Variants in PLXNA4 observed in about 807,000 individuals in gnomAD.
PLXNA4 encodes plexin A4.
A neutral mutation model predicts 191.8 loss-of-function variants in PLXNA4; 44 were observed. That is an observed-to-expected ratio of 0.23 (90% CI 0.18 to 0.29). The LOEUF is 0.29. Among genes scored for constraint, PLXNA4 ranks in the 10% least tolerant of loss-of-function variants. The pLI is 1.00. For missense variants in PLXNA4, 1,800 were observed against 2,488.8 expected, an observed-to-expected ratio of 0.72 and a Z score of 5.89; for synonymous variants, 1,082 against 1,009.5, an observed-to-expected ratio of 1.07 and a Z score of -1.36.
At chr7:132,238,166 G>A (rs1424224877) in intron 5 of PLXNA4, among the ~76,000 whole-genome samples, 1 of 152,144 alleles carries the variant, frequency 6.6e-6, no homozygotes, top group Non-Finnish European at 1.5e-5. Context: ...GTGTTATAGT[G>A]CTGTTGGCAG....
At chr7:132,397,049 C>T (rs1207903802) in intron 3 of PLXNA4, among the ~76,000 whole-genome samples, 3 of 152,234 alleles carry the variant, frequency 2.0e-5, no homozygotes, top group African/African-American at 4.8e-5. Flanking sequence ...CTGGGGACAT[C>T]ACACCACCCG....
chr7:132,493,513 G>C (rs1797884306), intron 2 of PLXNA4, among the ~76,000 whole-genome samples: 1 of 152,128 alleles, frequency 6.6e-6, no homozygotes, highest in Non-Finnish European at 1.5e-5. Flanking sequence ...GAGGACTCTG[G>C]ATCTTTTTTC....
In PLXNA4 at chr7:132,202,728, C is replaced by A; in HGVS notation, c.2504G>T (p.Arg835Leu). Residue 835 changes from arginine to leucine, a missense_variant, in exon 12 of 32, where the codon CGC becomes CTC. Arg to Leu is a moderately radical substitution (Grantham distance 102, BLOSUM62 -2). Around this residue, in one of 6 missense-constraint regions of PLXNA4, gnomAD observed 1,397 missense variants for 1,880.4 expected, o/e 0.74. Transcript: ENST00000321063. ...WCQGPGQCTL[R>L]QHCPAQESQW... ...GCTCTCCTGGGCAGGGCAGTGCTGGCGCAGGGTGCACTGGCCTGGGCCCTG... is the reference window on the plus strand; with the variant it reads ...GCTCTCCTGGGCAGGGCAGTGCTGGAGCAGGGTGCACTGGCCTGGGCCCTG... 6.2e-7 allele frequency: 1 copy of A among 1,609,540 alleles called. No homozygotes were observed. The highest frequency in any genetic ancestry group is 8.5e-7 in the Non-Finnish European group (1 of 1,177,656).
intron 3 of PLXNA4, among the ~76,000 whole-genome samples, chr7:132,393,983 TC>T (rs925792297): frequency 4.1e-5 from 6 of 147,430 alleles, no homozygotes; most frequent in African/African-American, 1.5e-4. Context: ...CACCCCACCC[TC>T]TTTTTTTTTT....
chr7:132,358,112 A>G (rs1344632989), intron 3 of PLXNA4, among the ~76,000 whole-genome samples: 1 of 152,248 alleles, frequency 6.6e-6, no homozygotes, highest in Non-Finnish European at 1.5e-5. Context: ...TTAGAATCCA[A>G]AATGAAGTCT....
intron 10 of PLXNA4, among the ~76,000 whole-genome samples, chr7:132,206,437 GGT>G (rs61032250): frequency 0.21 from 30,418 of 148,228 alleles, 3,357 homozygotes; most frequent in Middle Eastern, 0.37. Context: ...TATGTTTTCT[GGT>G]GTGTGTGTGT....
chr7:132,360,488 T>C (rs1385938052), intron 3 of PLXNA4, among the ~76,000 whole-genome samples: 1 of 152,176 alleles, frequency 6.6e-6, no homozygotes, highest in Non-Finnish European at 1.5e-5. Flanking sequence ...GATCAGATAC[T>C]CAGTTTCTCT....
At chr7:132,417,172 A>G (rs1386222663) in intron 3 of PLXNA4, among the ~76,000 whole-genome samples, 3 of 152,110 alleles carry the variant, frequency 2.0e-5, no homozygotes, top group Admixed American at 2.0e-4. Flanking sequence ...CGTGAGGCCA[A>G]TCCATCCTCT....
At chr7:132,631,313 T>C (rs1803485907) in intron 2 of PLXNA4, among the ~76,000 whole-genome samples, 1 of 152,214 alleles carries the variant, frequency 6.6e-6, no homozygotes, top group African/African-American at 2.4e-5. Flanking sequence ...ACATACAGTT[T>C]AAGAGGCACA....
At chr7:132,333,502 C>T (rs1477523382) in intron 3 of PLXNA4, among the ~76,000 whole-genome samples, 1 of 152,146 alleles carries the variant, frequency 6.6e-6, no homozygotes, top group East Asian at 1.9e-4. Context: ...GGCACCTGGG[C>T]CTCCTCCCCT....
intron 15 of PLXNA4, among the ~76,000 whole-genome samples, chr7:132,186,018 A>G (rs964416285): frequency 3.3e-5 from 5 of 152,178 alleles, no homozygotes; most frequent in Admixed American, 1.3e-4. Flanking sequence ...AGAATAAATA[A>G]TTGTTTCTTT....
At chr7:132,388,544 A>C (rs531655529) in intron 3 of PLXNA4, among the ~76,000 whole-genome samples, 1 of 152,304 alleles carries the variant, frequency 6.6e-6, no homozygotes, top group East Asian at 1.9e-4. Flanking sequence ...TCAGAAAAAA[A>C]AAGGTCTCCT....
rs1225574832 is a variant in PLXNA4 at position 132,576,130 on chromosome 7, C to A, written c.-87+292G>T. Among the ~76,000 whole-genome samples the A allele has an allele frequency of 6.6e-6, 1 of 152,190 alleles. No individual in the cohort carries two copies. The highest frequency in any genetic ancestry group is 1.5e-5 in the Non-Finnish European group (1 of 68,040). ...GAGCCGGGAATACACAGAATCCCAC[C>A]CCGAAAGTCCCGGGAAAGAGAAGTC... On this transcript the variant is annotated intron_variant, in intron 1 of 31. Transcript: ENST00000321063. The surrounding 1 kb of genome is among the most constrained non-coding windows in gnomAD (Gnocchi z 5.8).
In PLXNA4 at chr7:132,510,229, A is replaced by C. The variant is rs370030655; in HGVS notation, c.-86-1450T>G. 1.7e-4 allele frequency among the ~76,000 whole-genome samples: 26 copies of C among 152,310 alleles called. 1 individual carries two copies. The East Asian group carries it at 4.7e-3, about 27-fold the overall frequency. On this transcript the variant is annotated intron_variant, in intron 1 of 31. Transcript: ENST00000321063. The stretch of plus-strand genomic sequence containing the variant: ...CCAAACACCTCAAAAGTAGAGAATG[A>C]GAAGAGGTAGATCACTAAGCAATGG...
chr7:132,339,346 C>T (rs1348973690), intron 3 of PLXNA4, among the ~76,000 whole-genome samples: 1 of 152,222 alleles, frequency 6.6e-6, no homozygotes, highest in East Asian at 1.9e-4. Context: ...TTTCTTACCA[C>T]ACCAGGCCAG....
chr7:132,206,942 C>T (rs1286495685), intron 10 of PLXNA4, among the ~76,000 whole-genome samples: 1 of 152,224 alleles, frequency 6.6e-6, no homozygotes, highest in Non-Finnish European at 1.5e-5. Context: ...CAAGGTCTGG[C>T]ACACCATGCG....
intron 10 of PLXNA4, among the ~76,000 whole-genome samples, chr7:132,209,788 T>C (rs6968042): frequency 6.6e-6 from 1 of 152,158 alleles, no homozygotes; most frequent in Non-Finnish European, 1.5e-5. Context: ...TGCACATAAG[T>C]GCCCAGGTGC....
intron 29 of PLXNA4, among the ~76,000 whole-genome samples, chr7:132,141,149 G>A (rs1011738510): frequency 9.9e-5 from 15 of 152,160 alleles, no homozygotes; most frequent in Non-Finnish European, 1.6e-4. Context: ...GCTATAAAGC[G>A]GAATTTCTAA....
At chr7:132,204,321 A>G (rs1221599557) in intron 10 of PLXNA4, among the ~76,000 whole-genome samples, 1 of 152,206 alleles carries the variant, frequency 6.6e-6, no homozygotes, top group Non-Finnish European at 1.5e-5. Context: ...CAGTCTCCAG[A>G]GAAAGAGGGT....
Sources: gnomAD v4.1 joint callset for allele counts (sites outside exome capture counted in the v4.1 genomes callset) on GRCh38, gnomAD v4.1.1 for gene constraint, gnomAD v4.1.1 regional missense constraint, Gnocchi (gnomAD v3.1) non-coding constraint, MANE v1.5 for transcripts, NCBI Gene and HGNC (gene_info 2026-07-23, HGNC 2026-07-21) for gene names.